The following NCKAP5 variants were observed in gnomAD, a reference collection of about 807,000 sequenced individuals.
NCKAP5 encodes the protein nck-associated protein 5.
A neutral mutation model predicts 167.0 loss-of-function variants in NCKAP5; 92 were observed. That is an observed-to-expected ratio of 0.55 (90% CI 0.47 to 0.66). The LOEUF (loss-of-function observed/expected upper bound fraction) is 0.66, where lower values mean the gene tolerates loss of function less well. Among genes scored for constraint, NCKAP5 ranks in the 30% least tolerant of loss-of-function variants. The probability of loss-of-function intolerance (pLI) is 0.00; values close to 1 mark genes in which losing one functional copy is unlikely to be tolerated. For synonymous variants in NCKAP5, 891 were observed against 877.4 expected (o/e 1.02, Z -0.27); for missense variants, 2,378 against 2,315.0 (o/e 1.03, Z -0.56).
At chr2:132,932,446 A>G (rs1202254079) in intron 8 of NCKAP5, among the ~76,000 whole-genome samples, 1 of 152,200 alleles carries the variant, frequency 6.6e-6, no homozygotes, top group East Asian at 1.9e-4. Flanking sequence ...GTGAAAAGCA[A>G]TTTTAAAAAT....
chr2:133,427,173 C>T (rs753047870), intron 3 of NCKAP5, among the ~76,000 whole-genome samples: 6 of 152,182 alleles, frequency 3.9e-5, no homozygotes, highest in Non-Finnish European at 5.9e-5. Flanking sequence ...ACAGGTAACT[C>T]TCTGTCATTC....
At chr2:132,818,413 T>C (rs2105305723) in intron 11 of NCKAP5, among the ~76,000 whole-genome samples, 1 of 152,316 alleles carries the variant, frequency 6.6e-6, no homozygotes, top group Admixed American at 6.5e-5. Flanking sequence ...CACTGGCTCA[T>C]GCCTGTAATT....
intron 3 of NCKAP5, among the ~76,000 whole-genome samples, chr2:133,493,325 A>T (rs1158921941): frequency 6.6e-6 from 1 of 152,218 alleles, no homozygotes; most frequent in African/African-American, 2.4e-5. Flanking sequence ...CATAGGGAAA[A>T]GGTAGCTGAT....
chr2:133,277,436 T>C (rs2089774090), intron 4 of NCKAP5, among the ~76,000 whole-genome samples: 1 of 152,106 alleles, frequency 6.6e-6, no homozygotes, highest in African/African-American at 2.4e-5. Context: ...TGAATAAATA[T>C]GTAGGGAAAA....
At chr2:132,844,460 A>C (rs1268601624) in intron 11 of NCKAP5, among the ~76,000 whole-genome samples, 1 of 152,044 alleles carries the variant, frequency 6.6e-6, no homozygotes, top group Non-Finnish European at 1.5e-5. Flanking sequence ...ACTATTTTCC[A>C]TGTGCTTACG....
At position 132,857,857 on chromosome 2, in the gene NCKAP5, C is replaced by G. The variant is rs1482431161; in HGVS notation, c.807+2635G>C. ...TTGTAAGTTTACCAGAATCTGTCAA[C>G]TAATCCTCAGAGCACTCCCTTTCTG... On this transcript the variant is annotated intron_variant, in intron 11 of 19. Transcript: ENST00000409261. 7.2e-5 allele frequency among the ~76,000 whole-genome samples: 11 copies of G among 152,168 alleles called. 1 individual carries two copies. The East Asian group carries it at 1.5e-3, about 21-fold the overall frequency.
chr2:133,584,137 T>C, the NCKAP5 span, among the ~76,000 whole-genome samples: 71 of 152,362 alleles, frequency 4.7e-4, 1 homozygote, highest in African/African-American at 1.7e-3. Flanking sequence ...AAAATAATGT[T>C]TTTTAATAGG....
Position 132,773,965 on chromosome 2 carries a change from T to A in NCKAP5, c.5050-71A>T, listed in dbSNP as rs1682321622. Reference sequence around the variant, plus strand: ...AAAGATCCTTTTGCAATCCTCAGAGTAATGGTACATTCTATAACAAATATG... The same window carrying A: ...AAAGATCCTTTTGCAATCCTCAGAGAAATGGTACATTCTATAACAAATATG... On this transcript the variant is annotated intron_variant, in intron 15 of 19. Transcript: ENST00000409261. The A allele has an allele frequency of 2.4e-6, 3 of 1,273,190 alleles. No homozygotes were observed. The Admixed American group carries it at 5.4e-5, about 23-fold the overall frequency. 78.9% of individuals were successfully genotyped at this position (1,273,190 alleles called of 1,614,324 possible). A position where few individuals can be genotyped will look rare whatever the true frequency, so the allele number is the denominator to read the frequency against.
intron 3 of NCKAP5, among the ~76,000 whole-genome samples, chr2:133,347,857 C>T (rs1224301002): frequency 6.6e-6 from 1 of 152,170 alleles, no homozygotes; most frequent in East Asian, 1.9e-4. Context: ...GCCTTCTGAC[C>T]AAATCAGCTA....
intron 6 of NCKAP5, among the ~76,000 whole-genome samples, chr2:133,102,744 A>AACAC (rs3051212): frequency 0.072 from 9,708 of 135,044 alleles, 393 homozygotes; most frequent in East Asian, 0.15. Context: ...CAAGCATGTA[A>AACAC]ACACACACAC....
At position 133,330,437 on chromosome 2, in the gene NCKAP5, AT is replaced by A. The variant is rs541613241; in HGVS notation, c.70-27328del. On this transcript the variant is annotated intron_variant, in intron 3 of 19. Transcript: ENST00000409261. ...TATTAAATGTATCAATAATTTTTTT[AT>A]TTAAAAAAAGGACACGTTTTGTGTT... Among the ~76,000 whole-genome samples, 721 of 144,824 alleles carry A rather than the reference AT, an allele frequency of 5.0e-3. 7 individuals carry two copies. The highest frequency in any genetic ancestry group is 0.017 in the African/African-American group (679 of 39,356).
chr2:133,167,951 A>T (rs2084068426), intron 5 of NCKAP5, among the ~76,000 whole-genome samples: 1 of 152,200 alleles, frequency 6.6e-6, no homozygotes, highest in African/African-American at 2.4e-5. Flanking sequence ...TAACATTATC[A>T]TCATAACAGT....
intron 2 of NCKAP5, among the ~76,000 whole-genome samples, chr2:133,526,233 AAAGGAGGG>A (rs1684889998): frequency 1.0e-5 from 1 of 97,720 alleles, no homozygotes; most frequent in African/African-American, 4.4e-5. Flanking sequence ...GGAAGAAAGG[AAAGGAGGG>A]AGGGAAGGAG....
chr2:132,870,443 G>C (rs1346630594), intron 9 of NCKAP5, among the ~76,000 whole-genome samples: 1 of 151,984 alleles, frequency 6.6e-6, no homozygotes, highest in Non-Finnish European at 1.5e-5. Flanking sequence ...CTAGATATAA[G>C]GCACTCTGGT....
At chr2:133,476,363 A>C (rs1292262417) in intron 3 of NCKAP5, among the ~76,000 whole-genome samples, 1 of 152,246 alleles carries the variant, frequency 6.6e-6, no homozygotes, top group African/African-American at 2.4e-5. Flanking sequence ...TCAATTATAT[A>C]ATATAACTTC....
At chr2:133,524,355 A>C (rs991158092) in intron 2 of NCKAP5, among the ~76,000 whole-genome samples, 10 of 152,322 alleles carry the variant, frequency 6.6e-5, no homozygotes, top group African/African-American at 2.4e-4. Context: ...AGATACAAAC[A>C]ATTTGGATAA....
chr2:133,556,284 C>T (rs1687730255), intron 2 of NCKAP5, among the ~76,000 whole-genome samples: 1 of 152,182 alleles, frequency 6.6e-6, no homozygotes, highest in African/African-American at 2.4e-5. Flanking sequence ...TAAACATTTT[C>T]CTCTTCCAAA....
In NCKAP5 at chr2:133,314,962, C is replaced by T. The variant is rs146835367; in HGVS notation, c.70-11852G>A. 5.0e-3 allele frequency among the ~76,000 whole-genome samples: 758 copies of T among 152,200 alleles called. 4 individuals carry two copies. The highest frequency in any genetic ancestry group is 8.0e-3 in the Non-Finnish European group (546 of 68,012). ...GGACTCTAGGGGCAGGAATGTGTGC[C>T]GGCATGCTGCAGGAACAGCACAGAG... On this transcript the variant is annotated intron_variant, in intron 3 of 19. Coordinates refer to ENST00000409261, the MANE Select transcript of NCKAP5 (RefSeq NM_207363.3).
intron 10 of NCKAP5, among the ~76,000 whole-genome samples, chr2:132,866,985 C>T (rs1020117034): frequency 6.6e-6 from 1 of 152,114 alleles, no homozygotes; most frequent in Non-Finnish European, 1.5e-5. Context: ...CTCCAAAAGC[C>T]CCCAGCATCT....
Sources: gnomAD v4.1 joint callset for allele counts (sites outside exome capture counted in the v4.1 genomes callset) on GRCh38, gnomAD v4.1.1 for gene constraint, MANE v1.5 for transcripts, NCBI Gene and HGNC (gene_info 2026-07-23, HGNC 2026-07-21) for gene names.